Variants in DPY19L2 observed in about 807,000 individuals in gnomAD.
The protein encoded by DPY19L2 is probable C-mannosyltransferase DPY19L2.
Under a neutral mutation model 97.9 loss-of-function variants are expected in DPY19L2, and 34 were observed. That is an observed-to-expected ratio of 0.35 (90% CI 0.26 to 0.46). DPY19L2 has a LOEUF of 0.46. DPY19L2 is among the 20% of genes least tolerant of loss of function. The pLI is 1.00. For synonymous variants in DPY19L2, 230 were observed against 307.9 expected (o/e 0.75, Z 2.65); for missense variants, 623 against 911.4 (o/e 0.68, Z 4.07).
chr12:63,638,346 A>C (rs1316498177), intron 6 of DPY19L2, among the ~76,000 whole-genome samples: 1 of 152,156 alleles, frequency 6.6e-6, no homozygotes, highest in Admixed American at 6.6e-5. Context: ...ATAGTGTTGG[A>C]AGTTCTGGCC....
intron 19 of DPY19L2, 26 bp from the exon 20 acceptor site, chr12:63,570,883 T>A: frequency 6.3e-7 from 1 of 1,588,978 alleles, no homozygotes; most frequent in Non-Finnish European, 8.5e-7. Context: ...GGATATATTC[T>A]TCAATTAAAT....
At chr12:63,620,215 A>G (rs1888467761) in intron 9 of DPY19L2, 1 of 284,852 alleles carries the variant, frequency 3.5e-6, no homozygotes, top group African/African-American at 2.3e-5. Context: ...GTTACTAGTT[A>G]TGTAGTTGCT....
At chr12:63,579,639 T>G (rs1880517612) in intron 19 of DPY19L2, among the ~76,000 whole-genome samples, 1 of 152,026 alleles carries the variant, frequency 6.6e-6, no homozygotes, top group South Asian at 2.1e-4. Flanking sequence ...GAAAAATAGC[T>G]ATAACTGGGG....
At chr12:63,654,365 TAA>T (rs1292893519) in intron 4 of DPY19L2, among the ~76,000 whole-genome samples, 1 of 152,114 alleles carries the variant, frequency 6.6e-6, no homozygotes, top group African/African-American at 2.4e-5. Flanking sequence ...AATATAACTC[TAA>T]ACAATGTTCA....
At chr12:63,585,511 A>T (rs1215889016) in intron 16 of DPY19L2, among the ~76,000 whole-genome samples, 1 of 152,086 alleles carries the variant, frequency 6.6e-6, no homozygotes, top group Non-Finnish European at 1.5e-5. Context: ...TGTCTCCCTC[A>T]TAGCTCCTTC....
intron 12 of DPY19L2, among the ~76,000 whole-genome samples, chr12:63,607,881 C>G (rs1055345201): frequency 3.0e-4 from 45 of 151,778 alleles, no homozygotes; most frequent in African/African-American, 1.1e-3. Flanking sequence ...TCTCTGTCCA[C>G]GTTGGCCTCC....
rs1326912996 is a variant in DPY19L2, at chr12:63,582,391, G to A, written c.1725+15C>T. On this transcript the variant is annotated intron_variant, in intron 18 of 21. Transcript: ENST00000324472. ...TAGTTTTTATAGTATTGTTATACAA[G>A]AATGAATCCCTTACCTGTCGAGAGC... 9 of 1,606,544 alleles carry A rather than the reference G, an allele frequency of 5.6e-6. No homozygotes were observed. The African/African-American group carries it at 9.4e-5, about 17-fold the overall frequency.
chr12:63,639,806 A>T (rs940167630), intron 6 of DPY19L2, among the ~76,000 whole-genome samples: 13 of 152,192 alleles, frequency 8.5e-5, no homozygotes, highest in Non-Finnish European at 1.6e-4. Context: ...TTCCTCAAAG[A>T]TCTAGAACTA....
At chr12:63,638,992 G>C (rs1034659389) in intron 6 of DPY19L2, among the ~76,000 whole-genome samples, 1 of 152,086 alleles carries the variant, frequency 6.6e-6, no homozygotes, top group African/African-American at 2.4e-5. Flanking sequence ...CATGGTACTG[G>C]TACCAAAACT....
Position 63,580,863 on chromosome 12 carries a change from T to C in DPY19L2, c.1726-27A>G, listed in dbSNP as rs370332649. Reference sequence around the variant, plus strand: ...TGAAACGAAAGAAACCGTTTATTTCTAGTTCTTATATGAAGAGTACCGTAG... The same window carrying C: ...TGAAACGAAAGAAACCGTTTATTTCCAGTTCTTATATGAAGAGTACCGTAG... On this transcript the variant is annotated intron_variant, in intron 18 of 21. Coordinates refer to ENST00000324472, the MANE Select transcript of DPY19L2 (RefSeq NM_173812.5). 3.8e-5 allele frequency: 61 copies of C among 1,604,736 alleles called. 1 individual carries two copies. Among genetic ancestry groups the C allele is most frequent in the South Asian group, 1.0e-4 (9 of 89,490 alleles).
At chr12:63,623,121 A>G (rs1431580881) in intron 8 of DPY19L2, among the ~76,000 whole-genome samples, 1 of 151,812 alleles carries the variant, frequency 6.6e-6, no homozygotes, top group Admixed American at 6.6e-5. Context: ...TTAGTATTCT[A>G]TCAAACTTAT....
chr12:63,663,927 AAAG>A, intron 2 of DPY19L2, 82 bp from the exon 3 acceptor site: 1 of 880,054 alleles, frequency 1.1e-6, no homozygotes, highest in Non-Finnish European at 1.8e-6. Flanking sequence ...AAGCCATAAA[AAAG>A]AAAACAATAA....
intron 6 of DPY19L2, among the ~76,000 whole-genome samples, chr12:63,634,883 G>T (rs1329248166): frequency 6.6e-6 from 1 of 152,198 alleles, no homozygotes; most frequent in Non-Finnish European, 1.5e-5. Flanking sequence ...AAAGGCAGCA[G>T]AATCCTCTGC....
intron 4 of DPY19L2, among the ~76,000 whole-genome samples, chr12:63,654,166 T>C (rs1203930262): frequency 6.6e-6 from 1 of 151,866 alleles, no homozygotes; most frequent in Non-Finnish European, 1.5e-5. Flanking sequence ...ATGGATAAAA[T>C]AAAACAGGCT....
intron 6 of DPY19L2, among the ~76,000 whole-genome samples, chr12:63,634,807 C>T (rs1321765354): frequency 6.6e-6 from 1 of 152,170 alleles, no homozygotes; most frequent in African/African-American, 2.4e-5. Flanking sequence ...GTGGAGCCCA[C>T]CGCAGCTCAA....
intron 11 of DPY19L2, 65 bp from the exon 12 acceptor site, chr12:63,608,740 G>A (rs1316885282): frequency 2.5e-5 from 22 of 895,734 alleles, no homozygotes; most frequent in Middle Eastern, 3.5e-4. Context: ...TTGTATAAAT[G>A]GTACATTTCA....
At chr12:63,576,571 A>G (rs1372282209) in intron 19 of DPY19L2, among the ~76,000 whole-genome samples, 3 of 151,892 alleles carry the variant, frequency 2.0e-5, no homozygotes, top group Non-Finnish European at 2.9e-5. Context: ...AAAAAAAACT[A>G]TTAGAACTGA....
chr12:63,629,663 C>T (rs1890229657), intron 6 of DPY19L2, among the ~76,000 whole-genome samples: 1 of 152,136 alleles, frequency 6.6e-6, no homozygotes, highest in South Asian at 2.1e-4. Context: ...TCCAGGAGAA[C>T]TTCCCCAGTC....
chr12:63,668,279 T>C lies in DPY19L2; in HGVS notation c.115A>G (p.Lys39Glu). The C allele has an allele frequency of 6.2e-7, 1 of 1,613,756 alleles. No homozygotes were observed. Among genetic ancestry groups the C allele is most frequent in the Non-Finnish European group, 8.5e-7 (1 of 1,179,834 alleles). ...AGTTTCCCGCCGCCTAGGGCCGACT[T>C]TTCCATCTCCTCCTCTACCTCCGGC... ...REPEVEEEME[K>E]SALGGGKLPR... The change falls in exon 1 of 22, where the codon AAG becomes GAG. Residue 39 changes from lysine to glutamate, a missense_variant. Lys to Glu is a moderately conservative substitution (Grantham distance 56). This residue lies in a region of DPY19L2 where 144 missense variants were observed against 119.4 expected (regional missense o/e 1.21). Coordinates refer to ENST00000324472, the MANE Select transcript of DPY19L2 (RefSeq NM_173812.5).
Sources: allele counts gnomAD v4.1 joint callset (sites outside exome capture counted in the v4.1 genomes callset), GRCh38; gene constraint gnomAD v4.1.1; regional missense constraint gnomAD v4.1.1; transcripts MANE v1.5; gene names NCBI Gene and HGNC (gene_info 2026-07-23, HGNC 2026-07-21).